RNF130: variants seen among roughly 807,000 people sequenced by gnomAD.
RNF130 encodes ring finger protein 130, also known as E3 ubiquitin-protein ligase RNF130.
In RNF130, 21 loss-of-function variants were observed where a neutral mutation model predicts 44.6. That is an observed-to-expected ratio of 0.47 (90% confidence interval 0.33 to 0.68). RNF130 has a LOEUF of 0.68. Ranked by LOEUF, RNF130 falls within the 30% of genes least tolerant of loss-of-function variation. RNF130 has a pLI of 0.02. For missense variants in RNF130, 479 were observed against 560.6 expected (o/e 0.85, Z 1.47); for synonymous variants, 214 against 210.4 (o/e 1.02, Z -0.15).
intron 3 of RNF130, among the ~76,000 whole-genome samples, chr5:179,996,609 C>T (rs770719845): frequency 2.0e-5 from 3 of 152,194 alleles, no homozygotes; most frequent in Non-Finnish European, 2.9e-5. Context: ...TGTGATGCAT[C>T]GCATTTATGG....
intron 2 of RNF130, among the ~76,000 whole-genome samples, chr5:180,015,745 T>TGGG (rs1763712155): frequency 8.8e-5 from 1 of 11,346 alleles, no homozygotes; most frequent in Non-Finnish European, 1.9e-4. Context: ...GGAAAAGGAG[T>TGGG]AGGAAAGGAG....
exon 8 of RNF130, chr5:179,915,960 A>G (rs26075): frequency 0.43 from 65,341 of 152,000 alleles, 14,983 homozygotes; most frequent in East Asian, 0.76. Flanking sequence ...TAATGGTCAC[A>G]GATTCACCCC....
At chr5:179,948,961 A>ATTTTTTT (rs554440602) in intron 7 of RNF130, among the ~76,000 whole-genome samples, 4 of 128,596 alleles carry the variant, frequency 3.1e-5, no homozygotes, top group Non-Finnish European at 4.9e-5. Flanking sequence ...CCTTGGAATA[A>ATTTTTTT]TTTTTTTTTT....
chr5:179,966,658 CAAATA>C, intron 7 of RNF130, 143 bp downstream of exon 7: 1 of 666,374 alleles, frequency 1.5e-6, no homozygotes, highest in South Asian at 1.9e-5. Flanking sequence ...TTCATTCTTC[CAAATA>C]CCTGTTTTAA....
Position 180,018,225 on chromosome 5 carries a change from G to A in RNF130, c.443-4914C>T, listed in dbSNP as rs1319826485. ...CAGAAGAATTGCTTGAACAAGGGTG[G>A]TGGAGGTTTCAGTGAGCCGAGACTG... is the stretch of plus-strand genomic sequence containing the variant. On this transcript the variant is annotated intron_variant, in intron 2 of 8. Coordinates refer to ENST00000521389, the MANE Select transcript of RNF130 (RefSeq NM_018434.6). Among the ~76,000 whole-genome samples, 5 of 151,996 alleles carry A rather than the reference G, an allele frequency of 3.3e-5. No homozygotes were observed. The East Asian group carries it at 9.7e-4, about 29-fold the overall frequency.
At chr5:179,962,823 A>G (rs1762365042) in intron 8 of RNF130, among the ~76,000 whole-genome samples, 1 of 152,044 alleles carries the variant, frequency 6.6e-6, no homozygotes, top group Admixed American at 6.6e-5. Flanking sequence ...CGTGCCCTAC[A>G]GCAAACCATC....
At chr5:180,068,523 CGTAAA>C (rs1765162313) in intron 1 of RNF130, among the ~76,000 whole-genome samples, 1 of 152,156 alleles carries the variant, frequency 6.6e-6, no homozygotes, top group African/African-American at 2.4e-5. Context: ...AAGTATACTA[CGTAAA>C]GTATAGCACT....
chr5:180,024,497 G>GA (rs1425391248), intron 2 of RNF130, among the ~76,000 whole-genome samples: 2 of 151,754 alleles, frequency 1.3e-5, no homozygotes, highest in African/African-American at 4.8e-5. Context: ...CTTCTCATCA[G>GA]AAAAAAACGT....
At chr5:179,957,867 A>T (rs1442385892) in intron 8 of RNF130, among the ~76,000 whole-genome samples, 1 of 139,592 alleles carries the variant, frequency 7.2e-6, no homozygotes, top group Non-Finnish European at 1.5e-5. Flanking sequence ...GTTGAGAACT[A>T]AAAATTCAAA....
intron 5 of RNF130, among the ~76,000 whole-genome samples, chr5:179,975,777 C>T (rs893745834): frequency 5.3e-5 from 8 of 152,186 alleles, no homozygotes; most frequent in African/African-American, 9.6e-5. Context: ...AGCGAAATTC[C>T]GTGAACCGTG....
At chr5:180,032,724 T>A (rs892237542) in intron 2 of RNF130, among the ~76,000 whole-genome samples, 2 of 152,210 alleles carry the variant, frequency 1.3e-5, no homozygotes, top group African/African-American at 4.8e-5. Flanking sequence ...CACAATGCCT[T>A]GATTACTAAA....
chr5:179,946,606 T>C (rs1307557086), intron 7 of RNF130, among the ~76,000 whole-genome samples: 1 of 149,490 alleles, frequency 6.7e-6, no homozygotes, highest in Non-Finnish European at 1.5e-5. Context: ...CAGGCTGGAG[T>C]GCAGTGGTGT....
intron 7 of RNF130, 59 bp from the exon 8 acceptor site, chr5:179,963,623 G>T: frequency 8.4e-7 from 1 of 1,192,264 alleles, no homozygotes; most frequent in Non-Finnish European, 1.2e-6. Context: ...TCAAATCGAT[G>T]CCAACATTTC....
At chr5:179,967,578 A>C (rs974263483) in intron 6 of RNF130, among the ~76,000 whole-genome samples, 1 of 152,228 alleles carries the variant, frequency 6.6e-6, no homozygotes, top group African/African-American at 2.4e-5. Context: ...CCTGAGGGAG[A>C]GGTATAGAGC....
In RNF130 at chr5:179,998,930, C is replaced by T. The variant is rs189065947; in HGVS notation, c.693+14131G>A. On this transcript the variant is annotated intron_variant, in intron 3 of 8. Coordinates refer to ENST00000521389, the MANE Select transcript of RNF130 (RefSeq NM_018434.6). ...CCAGTGTTGGGTGTATATATATTTA[C>T]AATGATTATATCCTCTTGCTGAACT... Among the ~76,000 whole-genome samples, 312 of 141,436 alleles carry T rather than the reference C, an allele frequency of 2.2e-3. 9 individuals carry two copies. Among genetic ancestry groups the T allele is most frequent in the Middle Eastern group, 7.6e-3 (2 of 264 alleles). The allele number at this position is 141,436 out of a possible 152,430, so 92.8% of individuals were successfully genotyped here.
At position 179,977,984 on chromosome 5, in the gene RNF130, C is replaced by T. The variant is rs1762754679; in HGVS notation, c.848+219G>A. 2.0e-5 allele frequency among the ~76,000 whole-genome samples: 3 copies of T among 152,260 alleles called. No individual in the cohort carries two copies. The highest frequency in any genetic ancestry group is 2.0e-4 in the Admixed American group (3 of 15,292). On this transcript the variant is annotated intron_variant, in intron 5 of 8. Coordinates refer to ENST00000521389, the MANE Select transcript of RNF130 (RefSeq NM_018434.6). The surrounding 1 kb of genome is among the most constrained non-coding windows in gnomAD (Gnocchi z 4.1). Reference sequence around the variant, plus strand: ...AGTCTGGAGGCCGCGTGCCACATCGCATATTGGCTACACCTCGGAAGGCCG... The same window carrying T: ...AGTCTGGAGGCCGCGTGCCACATCGTATATTGGCTACACCTCGGAAGGCCG...
At chr5:179,937,158 ATATCATCAAAACGAAG>A (rs1761901669) in intron 7 of RNF130, among the ~76,000 whole-genome samples, 3 of 136,996 alleles carry the variant, frequency 2.2e-5, no homozygotes, top group African/African-American at 3.5e-5. Context: ...TCAAAACGAA[ATATCATCAAAACGAAG>A]TATCATCAAA....
chr5:179,984,261 C>T (rs965091728), intron 3 of RNF130, among the ~76,000 whole-genome samples: 1 of 152,046 alleles, frequency 6.6e-6, no homozygotes, highest in African/African-American at 2.4e-5. Context: ...CAATGGATGT[C>T]TTTTACGTCT....
At chr5:180,059,156 A>G (rs187783249) in intron 1 of RNF130, among the ~76,000 whole-genome samples, 1 of 152,190 alleles carries the variant, frequency 6.6e-6, no homozygotes, top group Admixed American at 6.5e-5. Flanking sequence ...AGTACATCAC[A>G]GTTTTTGCAC....
Sources: gnomAD v4.1 joint callset for allele counts (sites outside exome capture counted in the v4.1 genomes callset) on GRCh38, gnomAD v4.1.1 for gene constraint, Gnocchi (gnomAD v3.1) non-coding constraint, MANE v1.5 for transcripts, NCBI Gene and HGNC (gene_info 2026-07-23, HGNC 2026-07-21) for gene names.